Variants in NMNAT2 observed in about 807,000 individuals in gnomAD.
The protein encoded by NMNAT2 is nicotinamide nucleotide adenylyltransferase 2.
NMNAT2 carries 11 observed loss-of-function variants against 41.6 expected under a neutral mutation model. That is an observed-to-expected ratio of 0.26 (90% CI 0.17 to 0.44). The LOEUF is 0.44. Among genes scored for constraint, NMNAT2 ranks in the 20% least tolerant of loss-of-function variants. The pLI is 1.00. For synonymous variants in NMNAT2, 148 were observed against 151.2 expected (o/e 0.98, Z 0.16); for missense variants, 288 against 407.7 (o/e 0.71, Z 2.53).
chr1:183,273,837 CCCTCCCTTCCTTCCTTCCTT>C (rs1661050906), intron 8 of NMNAT2, among the ~76,000 whole-genome samples: 1 of 2,922 alleles, frequency 3.4e-4, no homozygotes, highest in Non-Finnish European at 2.0e-3. Flanking sequence ...CTCCCTCCCT[CCCTCCCTTCCTTCCTTCCTT>C]CCTTCCTTCC....
intron 1 of NMNAT2, among the ~76,000 whole-genome samples, chr1:183,376,830 C>T (rs1663688591): frequency 6.6e-6 from 1 of 152,096 alleles, no homozygotes; most frequent in East Asian, 1.9e-4. Context: ...AGGTAGAGTG[C>T]CCATCTCCTT....
At chr1:183,292,254 C>T (rs1180751425) in intron 3 of NMNAT2, among the ~76,000 whole-genome samples, 2 of 152,224 alleles carry the variant, frequency 1.3e-5, no homozygotes, top group Non-Finnish European at 2.9e-5. Context: ...TTCCTAGCAG[C>T]ACGTCTGGCC....
intron 1 of NMNAT2, among the ~76,000 whole-genome samples, chr1:183,407,381 G>A (rs1419329115): frequency 6.6e-6 from 1 of 151,496 alleles, no homozygotes; most frequent in Non-Finnish European, 1.5e-5. Flanking sequence ...TGTCTGTCCT[G>A]TTTTTTTTGG....
chr1:183,300,305 G>A (rs1263868721), intron 1 of NMNAT2, among the ~76,000 whole-genome samples: 1 of 152,030 alleles, frequency 6.6e-6, no homozygotes, highest in African/African-American at 2.4e-5. Flanking sequence ...GGGAGGCTGA[G>A]GCAAAAGAAT....
chr1:183,330,289 C>A (rs947016098), intron 1 of NMNAT2, among the ~76,000 whole-genome samples: 3 of 152,218 alleles, frequency 2.0e-5, no homozygotes, highest in Non-Finnish European at 4.4e-5. Flanking sequence ...TCTATTTGTG[C>A]ATTTGGTAAA....
intron 1 of NMNAT2, among the ~76,000 whole-genome samples, chr1:183,372,973 C>A (rs1439816617): frequency 6.6e-6 from 1 of 152,320 alleles, no homozygotes. Flanking sequence ...ATCTTCTAGG[C>A]TCCACATAGG....
At chr1:183,375,167 A>C (rs923152438) in intron 1 of NMNAT2, among the ~76,000 whole-genome samples, 1 of 152,208 alleles carries the variant, frequency 6.6e-6, no homozygotes, top group Non-Finnish European at 1.5e-5. Flanking sequence ...ACCTGCCATC[A>C]TAATATGATC....
intron 1 of NMNAT2, among the ~76,000 whole-genome samples, chr1:183,360,222 A>G (rs1663276805): frequency 6.6e-6 from 1 of 152,174 alleles, no homozygotes; most frequent in Non-Finnish European, 1.5e-5. Context: ...CCTGGAACAG[A>G]GGAAATATGA....
intron 1 of NMNAT2, among the ~76,000 whole-genome samples, chr1:183,330,484 A>C (rs1662558077): frequency 6.6e-6 from 1 of 152,098 alleles, no homozygotes; most frequent in African/African-American, 2.4e-5. Flanking sequence ...GGACTGCTTC[A>C]CCATGGTCCC....
chr1:183,308,718 G>C (rs908431831), intron 1 of NMNAT2, among the ~76,000 whole-genome samples: 2 of 152,208 alleles, frequency 1.3e-5, no homozygotes, highest in African/African-American at 4.8e-5. Context: ...AAAACTGTGA[G>C]TCTAAAGTAA....
intron 1 of NMNAT2, among the ~76,000 whole-genome samples, chr1:183,406,459 C>T (rs1648956463): frequency 6.6e-6 from 1 of 152,046 alleles, no homozygotes; most frequent in African/African-American, 2.4e-5. Flanking sequence ...ATAGAAAGGA[C>T]AATCTTAAAA....
chr1:183,368,931 T>G (rs1024458322), intron 1 of NMNAT2, among the ~76,000 whole-genome samples: 1 of 152,212 alleles, frequency 6.6e-6, no homozygotes, highest in Non-Finnish European at 1.5e-5. Flanking sequence ...CTGCTCAACA[T>G]GGGCAGGGAG....
At chr1:183,295,771 C>G (rs10797868) in intron 1 of NMNAT2, among the ~76,000 whole-genome samples, 83,782 of 152,012 alleles carry the variant, frequency 0.55, 24,410 homozygotes, top group Non-Finnish European at 0.64. Flanking sequence ...ACAGTATGTA[C>G]CCTCTTTGGA....
chr1:183,263,195 T>A (rs1181965211), intron 8 of NMNAT2, among the ~76,000 whole-genome samples: 1 of 152,206 alleles, frequency 6.6e-6, no homozygotes, highest in Non-Finnish European at 1.5e-5. Flanking sequence ...AGGAGGAATG[T>A]CGTAGAGAGA....
At chr1:183,269,158 C>A (rs934033290) in intron 8 of NMNAT2, among the ~76,000 whole-genome samples, 2 of 152,236 alleles carry the variant, frequency 1.3e-5, no homozygotes, top group South Asian at 2.1e-4. Flanking sequence ...TTGAAACCTA[C>A]GTGATACGAA....
chr1:183,292,970 A>G, intron 2 of NMNAT2, 113 bp from the exon 3 acceptor site: 1 of 947,880 alleles, frequency 1.1e-6, no homozygotes, highest in South Asian at 1.4e-5. Flanking sequence ...CAGTGGTGAG[A>G]GGGAATGAAG....
intron 1 of NMNAT2, among the ~76,000 whole-genome samples, chr1:183,311,332 A>G (rs1287927695): frequency 6.6e-6 from 1 of 152,214 alleles, no homozygotes; most frequent in Non-Finnish European, 1.5e-5. Flanking sequence ...GGCCCTAATT[A>G]ATTAACTGGT....
chr1:183,378,825 T>C (rs1196261101), intron 1 of NMNAT2, among the ~76,000 whole-genome samples: 1 of 151,838 alleles, frequency 6.6e-6, no homozygotes, highest in East Asian at 1.9e-4. Context: ...AGCAGATTGC[T>C]TAAGGCCAGA....
intron 1 of NMNAT2, among the ~76,000 whole-genome samples, chr1:183,347,262 T>C (rs542624891): frequency 1.2e-4 from 19 of 152,194 alleles, no homozygotes; most frequent in African/African-American, 4.3e-4. Flanking sequence ...GAGACCAGCC[T>C]GGGCAATATA....
Sources: gnomAD v4.1 joint callset for allele counts (sites outside exome capture counted in the v4.1 genomes callset) on GRCh38, gnomAD v4.1.1 for gene constraint, MANE v1.5 for transcripts, NCBI Gene and HGNC (gene_info 2026-07-23, HGNC 2026-07-21) for gene names.